Variants in GPHN observed in about 807,000 individuals in gnomAD.
GPHN encodes the protein gephyrin.
A neutral mutation model predicts 95.5 loss-of-function variants in GPHN; 17 were observed. The observed-to-expected ratio is 0.18, with a 90% CI of 0.12 to 0.27. GPHN has a LOEUF of 0.27. GPHN is among the 10% of genes least tolerant of loss of function. The pLI is 1.00. For synonymous variants in GPHN, 320 were observed against 322.5 expected (o/e 0.99, Z 0.08); for missense variants, 660 against 978.1 (o/e 0.67, Z 4.34).
chr14:66,586,744 T>G (rs1001992998), intron 1 of GPHN, among the ~76,000 whole-genome samples: 1 of 152,174 alleles, frequency 6.6e-6, no homozygotes, highest in Non-Finnish European at 1.5e-5. Flanking sequence ...GTAGAGTTTC[T>G]GCAACGAAAG....
chr14:66,811,189 G>A (rs2071873555), intron 3 of GPHN, among the ~76,000 whole-genome samples: 1 of 152,042 alleles, frequency 6.6e-6, no homozygotes, highest in African/African-American at 2.4e-5. Context: ...TACCTGTTGG[G>A]TACTATGTTC....
At chr14:67,173,127 CAA>C (rs1555508452) in intron 21 of GPHN, among the ~76,000 whole-genome samples, 1 of 152,156 alleles carries the variant, frequency 6.6e-6, no homozygotes, top group Non-Finnish European at 1.5e-5. Context: ...AACCTACACT[CAA>C]AACTACCACA....
At chr14:67,350,515 A>T in the GPHN span, 40 of 1,051,212 alleles carry the variant, frequency 3.8e-5, no homozygotes. Flanking sequence ...ATTTGTCCTT[A>T]ACGCTTATTT....
the GPHN span, among the ~76,000 whole-genome samples, chr14:67,564,421 C>A: frequency 6.6e-6 from 1 of 152,118 alleles, no homozygotes; most frequent in Non-Finnish European, 1.5e-5. Context: ...GGCCACACAT[C>A]ATTAACCTTT....
Position 67,181,600 on chromosome 14 carries a change from C to T in GPHN, c.*663C>T. The T allele has an allele frequency of 2.4e-6, 1 of 409,888 alleles. No individual in the cohort carries two copies. The highest frequency in any genetic ancestry group is 4.7e-6 in the Non-Finnish European group (1 of 211,632). 25.4% of individuals were successfully genotyped at this position (409,888 alleles called of 1,614,324 possible). A position where few individuals can be genotyped will look rare whatever the true frequency, so the allele number is the denominator to read the frequency against. ...AAAATGCTTCCTTAAGTGCTGACAGCCTTTTTAACCAATACATTTAAAATT... is the reference window on the plus strand; with the variant it reads ...AAAATGCTTCCTTAAGTGCTGACAGTCTTTTTAACCAATACATTTAAAATT... On this transcript the variant is annotated 3_prime_UTR_variant, in exon 23 of 23. Transcript: ENST00000478722.
the GPHN span, among the ~76,000 whole-genome samples, chr14:67,390,073 C>A: frequency 6.6e-6 from 1 of 152,230 alleles, no homozygotes; most frequent in Non-Finnish European, 1.5e-5. Context: ...CAAGGCTGAA[C>A]AGCTAACTAA....
the GPHN span, among the ~76,000 whole-genome samples, chr14:67,540,177 C>A: frequency 6.6e-6 from 1 of 152,022 alleles, no homozygotes; most frequent in Non-Finnish European, 1.5e-5. Context: ...TCCCATATAC[C>A]CATCAGCCAG....
chr14:67,233,059 G>A, the GPHN span, among the ~76,000 whole-genome samples: 1 of 151,974 alleles, frequency 6.6e-6, no homozygotes, highest in Admixed American at 6.6e-5. Context: ...TTCTCCAAGA[G>A]CCCTAAAAGG....
chr14:66,918,607 G>A (rs937304633), intron 6 of GPHN, among the ~76,000 whole-genome samples: 5 of 152,044 alleles, frequency 3.3e-5, no homozygotes, highest in African/African-American at 1.2e-4. Flanking sequence ...GGGGAGAGAG[G>A]GAGGGTAGCC....
chr14:67,332,631 G>A, the GPHN span: 23 of 695,632 alleles, frequency 3.3e-5, no homozygotes, highest in South Asian at 2.7e-4. Context: ...CATTGTGGCC[G>A]TGACAGGGTT....
the GPHN span, among the ~76,000 whole-genome samples, chr14:67,536,376 C>A: frequency 2.6e-5 from 4 of 151,910 alleles, no homozygotes; most frequent in Non-Finnish European, 1.5e-5. Context: ...TCAGCCACGT[C>A]TGGCAGAGCA....
At chr14:67,189,356 A>G in the GPHN span, 1 of 152,140 alleles carries the variant, frequency 6.6e-6, no homozygotes, top group Admixed American at 6.5e-5. Context: ...TGCAGAGACT[A>G]TGTCAGCACG....
the GPHN span, among the ~76,000 whole-genome samples, chr14:67,694,596 T>C: frequency 6.6e-6 from 1 of 151,538 alleles, no homozygotes; most frequent in Admixed American, 6.6e-5. Flanking sequence ...TGAGATTCTA[T>C]GTGGATAAGA....
At chr14:67,693,036 C>T in the GPHN span, 8 of 1,612,668 alleles carry the variant, frequency 5.0e-6, no homozygotes, top group Non-Finnish European at 4.2e-6. Flanking sequence ...GTACACACCC[C>T]ACTGGACAGC....
the GPHN span, among the ~76,000 whole-genome samples, chr14:67,603,551 AATC>A: frequency 1.3e-5 from 2 of 152,200 alleles, no homozygotes; most frequent in South Asian, 4.1e-4. Context: ...GCAGTGGTAT[AATC>A]ATAACTCATT....
rs375087233 is a variant in GPHN at position 66,657,910 on chromosome 14, C to T, written c.65-23197C>T. On this transcript the variant is annotated intron_variant, in intron 1 of 22. Transcript: ENST00000478722. ...TAGGGAGTAATTTTGAGTTTCAAGT[C>T]TTATTATTTAAGAAATACATTTTGT... 2.0e-5 allele frequency among the ~76,000 whole-genome samples: 3 copies of T among 151,984 alleles called. No homozygotes were observed. In the East Asian group the frequency reaches 5.8e-4, roughly 29 times the overall value.
the GPHN span, among the ~76,000 whole-genome samples, chr14:67,386,723 A>T: frequency 6.6e-6 from 1 of 152,124 alleles, no homozygotes; most frequent in Non-Finnish European, 1.5e-5. Flanking sequence ...TATGTAATGT[A>T]TTTTTCGTAT....
chr14:67,685,142 A>C, the GPHN span: 2 of 1,614,200 alleles, frequency 1.2e-6, no homozygotes, highest in Non-Finnish European at 1.7e-6. Context: ...ATGAAAGATG[A>C]GTGCCGAACC....
At chr14:66,633,352 C>G (rs1199584136) in intron 1 of GPHN, among the ~76,000 whole-genome samples, 1 of 152,060 alleles carries the variant, frequency 6.6e-6, no homozygotes, top group East Asian at 1.9e-4. Flanking sequence ...AAGGAATCAA[C>G]AAAAAGTGTT....
Sources: gnomAD v4.1 joint callset for allele counts (sites outside exome capture counted in the v4.1 genomes callset) on GRCh38, gnomAD v4.1.1 for gene constraint, MANE v1.5 for transcripts, NCBI Gene and HGNC (gene_info 2026-07-23, HGNC 2026-07-21) for gene names.